Variants in LHX5 observed in about 807,000 individuals in gnomAD.
LHX5 encodes the protein LIM homeobox 5, also known as LIM/homeobox protein Lhx5.
A neutral mutation model predicts 30.6 loss-of-function variants in LHX5; 5 were observed. That is an observed-to-expected ratio of 0.16 (90% confidence interval 0.09 to 0.34). The LOEUF (loss-of-function observed/expected upper bound fraction) is 0.34, where lower values mean the gene tolerates loss of function less well. Among genes scored for constraint, LHX5 ranks in the 10% least tolerant of loss-of-function variants. LHX5 has a pLI of 1.00. For missense variants in LHX5, 458 were observed against 570.6 expected (o/e 0.80, Z 2.01); for synonymous variants, 266 against 252.6 (o/e 1.05, Z -0.50).
In LHX5 at chr12:113,462,982, C is replaced by T; in HGVS notation, c.*208G>A. 2 of 523,720 alleles carry T rather than the reference C, an allele frequency of 3.8e-6. No individual in the cohort carries two copies. Among genetic ancestry groups the T allele is most frequent in the East Asian group, 7.3e-5 (2 of 27,320 alleles). The allele number at this position is 523,720 out of a possible 1,614,324, so 32.4% of individuals were successfully genotyped here. On this transcript the variant is annotated 3_prime_UTR_variant, in exon 5 of 5. Transcript: ENST00000261731. The stretch of plus-strand genomic sequence containing the variant: ...GGAGAGTACTGGCGGTGGGCTGAGG[C>T]TCCTGGAGAGCCCGCGGGGTGGAGA...
In LHX5 at chr12:113,471,494, A is replaced by G. The variant is rs2136980665; in HGVS notation, c.5T>C (p.Met2Thr). MMVHCAGCERPI... is the reference protein window; with the variant it reads MTVHCAGCERPI... ...CCGCTCGCAACCGGCGCAGTGCACC[A>G]TCATAGCCCCGCGCCCCGGCGGCTT... Residue 2 changes from methionine to threonine, a missense_variant, in exon 1 of 5, where the codon ATG becomes ACG. Met to Thr is a moderately conservative substitution (Grantham distance 81, BLOSUM62 -1). Transcript: ENST00000261731. 2 of 1,598,744 alleles carry G rather than the reference A, an allele frequency of 1.3e-6. No homozygotes were observed. The highest frequency in any genetic ancestry group is 1.7e-6 in the Non-Finnish European group (2 of 1,172,624).
At position 113,467,353 on chromosome 12, in the gene LHX5, C is replaced by A; in HGVS notation, c.744G>T (p.Arg248Ser). The change falls in exon 4 of 5, where the codon AGG becomes AGT. Residue 248 changes from arginine to serine, a missense_variant. Transcript: ENST00000261731. This position sits in a 1 kb window ranked among gnomAD's most constrained non-coding sequence, Gnocchi z 6.3. ...GCCGCGGACTCCGGAAGAAGGCGTG[C>A]CTCCGGGCGCCTAGGGCGCTCAGCT... ...MKQLSALGAR[R>S]HAFFRSPRRM... 6.3e-7 allele frequency: 1 copy of A among 1,588,828 alleles called. No homozygotes were observed. The highest frequency in any genetic ancestry group is 8.6e-7 in the Non-Finnish European group (1 of 1,165,076).
rs1958202350 is a variant in LHX5 at position 113,464,783 on chromosome 12, G to T, written c.842-1226C>A. The stretch of plus-strand genomic sequence containing the variant: ...TCTCTCAAGGAAAATGCAAGGATGA[G>T]AATTTTGCCCATAAATTCAGGAGGT... On this transcript the variant is annotated intron_variant, in intron 4 of 4. Transcript: ENST00000261731. This position sits in a 1 kb window ranked among gnomAD's most constrained non-coding sequence, Gnocchi z 6.2. Among the ~76,000 whole-genome samples the T allele has an allele frequency of 6.6e-6, 1 of 152,196 alleles. No individual in the cohort carries two copies. The highest frequency in any genetic ancestry group is 1.5e-5 in the Non-Finnish European group (1 of 68,026).
chr12:113,463,548 C>G lies in LHX5; in HGVS notation c.851G>C (p.Gly284Ala). The G allele has an allele frequency of 6.5e-7, 1 of 1,542,090 alleles. No homozygotes were observed. The highest frequency in any genetic ancestry group is 8.7e-7 in the Non-Finnish European group (1 of 1,152,168). ...TPYTYYGDYQ[G>A]DYYAPGSNYD... ...GTTGCTTCCCGGCGCGTAGTAGTCGCCTTGGTAGTCTGCGGAGGGGGAGCG... is the reference window on the plus strand; with the variant it reads ...GTTGCTTCCCGGCGCGTAGTAGTCGGCTTGGTAGTCTGCGGAGGGGGAGCG... The change falls in exon 5 of 5, where the codon GGC (glycine) becomes GCC (alanine). Residue 284 changes from glycine (G) to alanine (A), a missense_variant. Physicochemically the swap from Gly to Ala is moderately conservative, Grantham distance 60. This residue lies in a region of LHX5 where 255 missense variants were observed against 246.8 expected (regional missense o/e 1.03). Coordinates refer to ENST00000261731, the MANE Select transcript of LHX5 (RefSeq NM_022363.3). This position sits in a 1 kb window ranked among gnomAD's most constrained non-coding sequence, Gnocchi z 6.7.
chr12:113,468,584 C>G (rs1000164313), intron 2 of LHX5, among the ~76,000 whole-genome samples, 180 bp from the exon 3 acceptor site: 9 of 152,232 alleles, frequency 5.9e-5, no homozygotes, highest in African/African-American at 2.2e-4. Context: ...CCCGCCCACT[C>G]TCTCCAGGCG....
In LHX5 at chr12:113,463,279, TGGGCCCGCCGC is replaced by T. The variant is rs1958188386; in HGVS notation, c.1109_1119del (p.Ser370LysfsTer338). 1.3e-6 allele frequency: 2 copies of T among 1,519,380 alleles called. No individual in the cohort carries two copies. Among genetic ancestry groups the T allele is most frequent in the Non-Finnish European group, 1.8e-6 (2 of 1,138,332 alleles). The allele number at this position is 1,519,380 out of a possible 1,614,324, so 94.1% of individuals were successfully genotyped here. On this transcript the variant is annotated frameshift_variant, in exon 5 of 5. Transcript: ENST00000261731. LOFTEE classifies it high-confidence loss of function. The surrounding 1 kb of genome is among the most constrained non-coding windows in gnomAD (Gnocchi z 6.7). ...GTGCCGCTCATTGGGAAGGGCGGGC[TGGGCCCGCCGC>T]TGAATACCTCGCCGGGCATGGGGTG...
In LHX5 at chr12:113,471,664, T is replaced by C; in HGVS notation, c.-166A>G. 1 of 646,644 alleles carries C rather than the reference T, an allele frequency of 1.5e-6. No homozygotes were observed. Among genetic ancestry groups the C allele is most frequent in the South Asian group, 2.1e-5 (1 of 47,390 alleles). 40.1% of individuals were successfully genotyped at this position (646,644 alleles called of 1,614,324 possible). On this transcript the variant is annotated 5_prime_UTR_variant, in exon 1 of 5. Transcript: ENST00000261731. ...TCCAGTCCTTGGGCAATCTCTGGCC[T>C]GGCGCTGGGCTGCCCGGAGTGGGGT... is the stretch of plus-strand genomic sequence containing the variant.
At chr12:113,468,455 C>G (rs144856382) in intron 2 of LHX5, 51 bp from the exon 3 acceptor site, 1 of 1,552,034 alleles carries the variant, frequency 6.4e-7, no homozygotes, top group African/African-American at 1.4e-5. Context: ...GACGGCCAGA[C>G]GCCTCTTCAG....
In LHX5 at chr12:113,471,679, C is replaced by A; in HGVS notation, c.-181G>T. ...ATCTCTGGCCTGGCGCTGGGCTGCCCGGAGTGGGGTGGTGGGGGGCGGGTG... is the reference window on the plus strand; with the variant it reads ...ATCTCTGGCCTGGCGCTGGGCTGCCAGGAGTGGGGTGGTGGGGGGCGGGTG... On this transcript the variant is annotated 5_prime_UTR_variant, in exon 1 of 5. Transcript: ENST00000261731. The A allele has an allele frequency of 1.8e-6, 1 of 570,440 alleles. No individual in the cohort carries two copies. Among genetic ancestry groups the A allele is most frequent in the Non-Finnish European group, 3.0e-6 (1 of 338,422 alleles). 35.3% of individuals were successfully genotyped at this position (570,440 alleles called of 1,614,324 possible). A position where few individuals can be genotyped will look rare whatever the true frequency, so the allele number is the denominator to read the frequency against.
chr12:113,468,116 C>A lies in LHX5; in HGVS notation c.675+11G>T. ...GCGGGGCTAAGGAGCTGTGCCCGCC[C>A]CGGGCCGCACCTGGATGACGCGCAT... On this transcript the variant is annotated intron_variant, in intron 3 of 4. Transcript: ENST00000261731. 1.9e-6 allele frequency: 3 copies of A among 1,539,274 alleles called. No individual in the cohort carries two copies. The highest frequency in any genetic ancestry group is 2.6e-6 in the Non-Finnish European group (3 of 1,145,424).
In LHX5 at chr12:113,467,193, C is replaced by A; in HGVS notation, c.841+63G>T. On this transcript the variant is annotated intron_variant, in intron 4 of 4. Coordinates refer to ENST00000261731, the MANE Select transcript of LHX5 (RefSeq NM_022363.3). This position sits in a 1 kb window ranked among gnomAD's most constrained non-coding sequence, Gnocchi z 6.3. ...CGGCGGAAAGCGTGCTGGCCGGGAC[C>A]CTTCGCCCTCAGCTCCCGGAATAGG... The A allele has an allele frequency of 7.3e-7, 1 of 1,374,620 alleles. No homozygotes were observed. Among genetic ancestry groups the A allele is most frequent in the Non-Finnish European group, 9.5e-7 (1 of 1,055,910 alleles). 85.2% of individuals were successfully genotyped at this position (1,374,620 alleles called of 1,614,324 possible). A position where few individuals can be genotyped will look rare whatever the true frequency, so the allele number is the denominator to read the frequency against.
At position 113,467,104 on chromosome 12, in the gene LHX5, G is replaced by T; in HGVS notation, c.841+152C>A. The T allele has an allele frequency of 1.5e-6, 1 of 651,406 alleles. No homozygotes were observed. The highest frequency in any genetic ancestry group is 2.3e-6 in the Non-Finnish European group (1 of 436,450). The allele number at this position is 651,406 out of a possible 1,614,324, so 40.4% of individuals were successfully genotyped here. The stretch of plus-strand genomic sequence containing the variant: ...ACCATGTATCTGATTTTGTGTCCAG[G>T]ACATGTGGGTGAGTGTACATGTGTC... On this transcript the variant is annotated intron_variant, in intron 4 of 4. Coordinates refer to ENST00000261731, the MANE Select transcript of LHX5 (RefSeq NM_022363.3). The surrounding 1 kb of genome is among the most constrained non-coding windows in gnomAD (Gnocchi z 6.3).
At position 113,466,187 on chromosome 12, in the gene LHX5, A is replaced by G. The variant is rs1958214407; in HGVS notation, c.841+1069T>C. On this transcript the variant is annotated intron_variant, in intron 4 of 4. Coordinates refer to ENST00000261731, the MANE Select transcript of LHX5 (RefSeq NM_022363.3). This position sits in a 1 kb window ranked among gnomAD's most constrained non-coding sequence, Gnocchi z 6.5. ...AACCTGCGTTACAACTCAGAAGTGC[A>G]GATGCCTCTCAGACATAGACAGTCC... Among the ~76,000 whole-genome samples the G allele has an allele frequency of 6.6e-6, 1 of 152,198 alleles. No homozygotes were observed. The highest frequency in any genetic ancestry group is 1.5e-5 in the Non-Finnish European group (1 of 68,010).
rs1958206990 is a variant in LHX5 at position 113,465,370 on chromosome 12, A to C, written c.842-1813T>G. 6.6e-6 allele frequency among the ~76,000 whole-genome samples: 1 copy of C among 152,192 alleles called. No individual in the cohort carries two copies. Among genetic ancestry groups the C allele is most frequent in the South Asian group, 2.1e-4 (1 of 4,838 alleles). ...CGCCGTGCGCGCCGCCTCCGCCCAT[A>C]TGGCGGCCGGGCCGGAGGTAATTGG... On this transcript the variant is annotated intron_variant, in intron 4 of 4. Transcript: ENST00000261731. This position sits in a 1 kb window ranked among gnomAD's most constrained non-coding sequence, Gnocchi z 6.7.
Position 113,463,456 on chromosome 12 carries a change from C to G in LHX5, c.943G>C (p.Ala315Pro). 1 of 1,559,372 alleles carries G rather than the reference C, an allele frequency of 6.4e-7. No homozygotes were observed. The highest frequency in any genetic ancestry group is 8.6e-7 in the Non-Finnish European group (1 of 1,157,024). Residue 315 changes from alanine (A) to proline (P), a missense_variant, in exon 5 of 5, where the codon GCC becomes CCC. Transcript: ENST00000261731. This position sits in a 1 kb window ranked among gnomAD's most constrained non-coding sequence, Gnocchi z 6.7. ...AGCGGCGTCGAGCCGGGGCCAGAGGCCGCCAGGAAGCTGGAGTCGGCCGGG... is the reference window on the plus strand; with the variant it reads ...AGCGGCGTCGAGCCGGGGCCAGAGGGCGCCAGGAAGCTGGAGTCGGCCGGG... ...QSPADSSFLA[A>P]SGPGSTPLGA...
In LHX5 at chr12:113,466,522, G is replaced by C. The variant is rs1280431324; in HGVS notation, c.841+734C>G. Among the ~76,000 whole-genome samples the C allele has an allele frequency of 6.6e-6, 1 of 152,166 alleles. No homozygotes were observed. Among genetic ancestry groups the C allele is most frequent in the Non-Finnish European group, 1.5e-5 (1 of 68,024 alleles). On this transcript the variant is annotated intron_variant, in intron 4 of 4. Transcript: ENST00000261731. The surrounding 1 kb of genome is among the most constrained non-coding windows in gnomAD (Gnocchi z 6.5). ...CAGCCCCAAAGACGGTGGAAATCTGGGGTTGGCCCAACACTTGTGCCCCCA... is the reference window on the plus strand; with the variant it reads ...CAGCCCCAAAGACGGTGGAAATCTGCGGTTGGCCCAACACTTGTGCCCCCA...
At position 113,463,556 on chromosome 12, in the gene LHX5, G is replaced by A. The variant is rs200440378; in HGVS notation, c.843C>T (p.Asp281=). The change falls in exon 5 of 5, where the codon GAC becomes GAT. Residue 281 remains aspartate, a splice_region_variant and synonymous_variant. Coordinates refer to ENST00000261731, the MANE Select transcript of LHX5 (RefSeq NM_022363.3). This position sits in a 1 kb window ranked among gnomAD's most constrained non-coding sequence, Gnocchi z 6.7. ...LGSTPYTYYG[D]YQGDYYAPGS... is the part of the protein sequence containing the mutation. ...CCGGCGCGTAGTAGTCGCCTTGGTA[G>A]TCTGCGGAGGGGGAGCGGGAAGGAG... The A allele has an allele frequency of 8.5e-6, 13 of 1,534,054 alleles. No individual in the cohort carries two copies. In the African/African-American group the frequency reaches 1.8e-4, roughly 21 times the overall value.
At position 113,471,541 on chromosome 12, in the gene LHX5, G is replaced by A; in HGVS notation, c.-43C>T. 8 of 1,544,100 alleles carry A rather than the reference G, an allele frequency of 5.2e-6. No individual in the cohort carries two copies. Among genetic ancestry groups the A allele is most frequent in the Non-Finnish European group, 7.0e-6 (8 of 1,143,364 alleles). ...GCTTCGGCCGCCTTGCCCTCCCTTT[G>A]GGCCCCTGGCCCTCGGGCCTGCCGG... On this transcript the variant is annotated 5_prime_UTR_variant, in exon 1 of 5. Coordinates refer to ENST00000261731, the MANE Select transcript of LHX5 (RefSeq NM_022363.3).
Position 113,463,646 on chromosome 12 carries a change from G to C in LHX5, c.842-89C>G. ...CGGGACCCGGGGAGGGGACCCGGGC[G>C]GGCGAGAGAGGGGAGCGCGCGACAC... On this transcript the variant is annotated intron_variant, in intron 4 of 4. Coordinates refer to ENST00000261731, the MANE Select transcript of LHX5 (RefSeq NM_022363.3). The surrounding 1 kb of genome is among the most constrained non-coding windows in gnomAD (Gnocchi z 6.7). The C allele has an allele frequency of 3.0e-6, 4 of 1,347,840 alleles. No homozygotes were observed. Among genetic ancestry groups the C allele is most frequent in the Non-Finnish European group, 3.9e-6 (4 of 1,018,202 alleles). The allele number at this position is 1,347,840 out of a possible 1,614,324, so 83.5% of individuals were successfully genotyped here.
Sources: allele counts gnomAD v4.1 joint callset (sites outside exome capture counted in the v4.1 genomes callset), GRCh38; gene constraint gnomAD v4.1.1; regional missense constraint gnomAD v4.1.1; non-coding constraint Gnocchi (gnomAD v3.1); transcripts MANE v1.5; gene names NCBI Gene and HGNC (gene_info 2026-07-23, HGNC 2026-07-21).